PURG: variants seen among roughly 807,000 people sequenced by gnomAD.
The protein encoded by PURG is purine rich element binding protein G.
PURG carries 3 observed loss-of-function variants against 24.3 expected under a neutral mutation model. The observed-to-expected ratio is 0.12, with a 90% confidence interval of 0.06 to 0.32. The LOEUF is 0.32. Among genes scored for constraint, PURG ranks in the 10% least tolerant of loss-of-function variants. PURG has a pLI of 1.00. For missense variants in PURG, 371 were observed against 439.1 expected (o/e 0.84, Z 1.39); for synonymous variants, 180 against 173.1 (o/e 1.04, Z -0.31).
chr8:31,011,073 G>A (rs1810751726), intron 1 of PURG, among the ~76,000 whole-genome samples: 1 of 152,232 alleles, frequency 6.6e-6, no homozygotes, highest in Admixed American at 6.5e-5. Flanking sequence ...TGGTGAGATA[G>A]TCATCATAGC....
intron 1 of PURG, among the ~76,000 whole-genome samples, chr8:31,016,607 A>AAAAAAAAAAAAAC: frequency 6.7e-6 from 1 of 148,394 alleles, no homozygotes; most frequent in Non-Finnish European, 1.5e-5. Context: ...AAAAAAAAAA[A>AAAAAAAAAAAAAC]AAGAAAGAAC....
intron 1 of PURG, among the ~76,000 whole-genome samples, chr8:31,009,223 A>T (rs1810718088): frequency 6.6e-6 from 1 of 152,118 alleles, no homozygotes; most frequent in Non-Finnish European, 1.5e-5. Flanking sequence ...TCAGGAGTTC[A>T]AGACCAGTCT....
rs183869863 is a variant in PURG, at chr8:31,001,832, T to G, written c.865-5135A>C. On this transcript the variant is annotated intron_variant, in intron 1 of 1. Coordinates refer to the PURG transcript ENST00000339382. Reference sequence around the variant, plus strand: ...TCACTCTTGAAGTGGTACTCTTGAATCGGGTAGTATTACTCTTGAATAGGG... The same window carrying G: ...TCACTCTTGAAGTGGTACTCTTGAAGCGGGTAGTATTACTCTTGAATAGGG... 2.0e-5 allele frequency among the ~76,000 whole-genome samples: 3 copies of G among 152,270 alleles called. No individual in the cohort carries two copies. The East Asian group carries it at 5.8e-4, about 29-fold the overall frequency.
At chr8:31,019,231 G>C (rs1376433497) in intron 1 of PURG, among the ~76,000 whole-genome samples, 6 of 117,950 alleles carry the variant, frequency 5.1e-5, no homozygotes, top group South Asian at 2.9e-4. Context: ...TTATAGTACA[G>C]AATATCTACA....
At chr8:31,008,546 C>T (rs1810701329) in intron 1 of PURG, among the ~76,000 whole-genome samples, 1 of 152,160 alleles carries the variant, frequency 6.6e-6, no homozygotes, top group Admixed American at 6.5e-5. Flanking sequence ...TCAAGTGAGG[C>T]CCACCAAGGC....
At chr8:31,000,984 C>T (rs1396565384) in intron 1 of PURG, among the ~76,000 whole-genome samples, 3 of 152,032 alleles carry the variant, frequency 2.0e-5, no homozygotes, top group Non-Finnish European at 4.4e-5. Context: ...AAATATAATC[C>T]GTTGTTTGTG....
chr8:30,998,090 T>C (rs1253748376), intron 1 of PURG, among the ~76,000 whole-genome samples: 1 of 151,818 alleles, frequency 6.6e-6, no homozygotes, highest in African/African-American at 2.4e-5. Context: ...CAATTAAAAG[T>C]GAGATTTAAA....
At chr8:31,006,045 A>C (rs1433570576) in intron 1 of PURG, among the ~76,000 whole-genome samples, 1 of 152,168 alleles carries the variant, frequency 6.6e-6, no homozygotes, top group East Asian at 1.9e-4. Context: ...GTTGAATGCC[A>C]GTGTCTGGGA....
chr8:31,003,125 A>G (rs1276606875), intron 1 of PURG, among the ~76,000 whole-genome samples: 1 of 152,180 alleles, frequency 6.6e-6, no homozygotes, highest in Non-Finnish European at 1.5e-5. Context: ...CAAATTCTAC[A>G]CTAAAGTAGG....
intron 1 of PURG, among the ~76,000 whole-genome samples, chr8:31,023,632 A>G (rs1563309291): frequency 6.6e-6 from 1 of 152,072 alleles, no homozygotes; most frequent in Non-Finnish European, 1.5e-5. Context: ...CTCTTTTCCA[A>G]TCACCATCCT....
chr8:31,009,940 T>C (rs562639440), intron 1 of PURG, among the ~76,000 whole-genome samples: 11 of 151,816 alleles, frequency 7.2e-5, no homozygotes, highest in Admixed American at 5.9e-4. Context: ...CCACAAAAAA[T>C]AGGAAAAATA....
intron 1 of PURG, among the ~76,000 whole-genome samples, chr8:30,998,533 T>C (rs1236004656): frequency 1.3e-5 from 2 of 151,814 alleles, no homozygotes; most frequent in Admixed American, 6.6e-5. Flanking sequence ...ATGTTATTAA[T>C]TAGCATTCTT....
intron 1 of PURG, among the ~76,000 whole-genome samples, chr8:31,014,462 A>G (rs1343046438): frequency 1.3e-5 from 2 of 152,354 alleles, no homozygotes; most frequent in East Asian, 3.9e-4. Flanking sequence ...TTTACAGAAT[A>G]AGAGTTTAAA....
At position 31,032,345 on chromosome 8, in the gene PURG, G is replaced by A. The variant is rs138893308; in HGVS notation, c.438C>T (p.Ser146=). The A allele has an allele frequency of 1.7e-5, 27 of 1,612,970 alleles. No homozygotes were observed. In the African/African-American group the frequency reaches 3.5e-4, roughly 21 times the overall value. The part of the protein sequence containing the change: ...QEHGHSKEQG[S]RRRQKHSAPS... Reference sequence around the variant, plus strand: ...GTGCCGAGTGCTTCTGCCTCCTTCTGGAGCCTTGCTCTTTGCTGTGGCCAT... The same window carrying A: ...GTGCCGAGTGCTTCTGCCTCCTTCTAGAGCCTTGCTCTTTGCTGTGGCCAT... Residue 146 remains serine, a synonymous_variant, in exon 2 of 2, where the codon TCC becomes TCT. Transcript: ENST00000523392. This position sits in a 1 kb window ranked among gnomAD's most constrained non-coding sequence, Gnocchi z 5.9.
chr8:30,996,777 T>A, intron 1 of PURG: 2 of 1,063,500 alleles, frequency 1.9e-6, no homozygotes, highest in Admixed American at 4.3e-5. Context: ...TACAAACCCA[T>A]AATTAATCTC....
chr8:30,999,767 T>C (rs1313987395), intron 1 of PURG, among the ~76,000 whole-genome samples: 2 of 151,990 alleles, frequency 1.3e-5, no homozygotes, highest in African/African-American at 4.8e-5. Context: ...ACAAATATAA[T>C]CAAGGAGATG....
rs1811272069 is a variant in PURG at position 31,032,845 on chromosome 8, C to T, written c.-6-57G>A. 8.1e-7 allele frequency: 1 copy of T among 1,230,174 alleles called. No homozygotes were observed. Among genetic ancestry groups the T allele is most frequent in the Non-Finnish European group, 1.0e-6 (1 of 973,232 alleles). 76.2% of individuals were successfully genotyped at this position (1,230,174 alleles called of 1,614,324 possible). A position where few individuals can be genotyped will look rare whatever the true frequency, so the allele number is the denominator to read the frequency against. The stretch of plus-strand genomic sequence containing the variant: ...GTGGGGGAGGGGTGTTGAGAACAAT[C>T]GCAGACGCCCCTCGGCCTGACCGCC... On this transcript the variant is annotated intron_variant, in intron 1 of 1. Transcript: ENST00000523392. This position sits in a 1 kb window ranked among gnomAD's most constrained non-coding sequence, Gnocchi z 5.9.
chr8:31,000,832 T>C (rs541634909), intron 1 of PURG, among the ~76,000 whole-genome samples: 102 of 152,266 alleles, frequency 6.7e-4, no homozygotes, highest in Non-Finnish European at 1.4e-3. Flanking sequence ...CCTCATCTTC[T>C]GAGAGAATTA....
chr8:31,019,891 C>A (rs556417381), intron 1 of PURG, among the ~76,000 whole-genome samples: 1 of 149,980 alleles, frequency 6.7e-6, no homozygotes, highest in East Asian at 2.1e-4. Context: ...GTACTGTAGG[C>A]TGGGGGTGGT....
Sources: allele counts gnomAD v4.1 joint callset (sites outside exome capture counted in the v4.1 genomes callset), GRCh38; gene constraint gnomAD v4.1.1; non-coding constraint Gnocchi (gnomAD v3.1); transcripts MANE v1.5; gene names NCBI Gene and HGNC (gene_info 2026-07-23, HGNC 2026-07-21).